SCN7A: variants seen among roughly 807,000 people sequenced by gnomAD.
The protein encoded by SCN7A is sodium channel protein type 7 subunit alpha.
A neutral mutation model predicts 155.2 loss-of-function variants in SCN7A; 138 were observed. The ratio of observed to expected loss-of-function variants is 0.89; its 90% confidence interval spans 0.77 to 1.02. SCN7A has a LOEUF of 1.02. Among genes scored for constraint, SCN7A ranks in the 50% least tolerant of loss-of-function variants. The pLI, the probability that SCN7A is intolerant of heterozygous loss-of-function variation, is 0.00. For missense variants in SCN7A, 2,058 were observed against 1,986.6 expected, an observed-to-expected ratio of 1.04 and a Z score of -0.68; for synonymous variants, 693 against 649.0, an observed-to-expected ratio of 1.07 and a Z score of -1.03.
intron 3 of SCN7A, among the ~76,000 whole-genome samples, chr2:166,475,106 A>G (rs983496055): frequency 9.7e-5 from 10 of 103,006 alleles, no homozygotes; most frequent in East Asian, 3.9e-4. Context: ...ATATATATGT[A>G]TATATATATA....
intron 7 of SCN7A, among the ~76,000 whole-genome samples, chr2:166,466,526 T>A (rs1007324716): frequency 6.6e-6 from 1 of 151,788 alleles, no homozygotes; most frequent in Non-Finnish European, 1.5e-5. Context: ...AAGCTGGCTT[T>A]ATTTAAGGAT....
chr2:166,480,846 A>G (rs778447975), intron 2 of SCN7A, among the ~76,000 whole-genome samples: 61 of 152,156 alleles, frequency 4.0e-4, no homozygotes, highest in Non-Finnish European at 7.8e-4. Flanking sequence ...TTTTCTTTTT[A>G]CGTGAACCAA....
intron 9 of SCN7A, among the ~76,000 whole-genome samples, chr2:166,464,916 C>T (rs539463002): frequency 6.6e-6 from 1 of 152,212 alleles, no homozygotes; most frequent in African/African-American, 2.4e-5. Flanking sequence ...AATTAGTCTG[C>T]CTATTGCTTT....
chr2:166,463,261 G>T (rs1378354271), intron 9 of SCN7A, among the ~76,000 whole-genome samples: 1 of 152,114 alleles, frequency 6.6e-6, no homozygotes, highest in African/African-American at 2.4e-5. Flanking sequence ...CCACTTGGGA[G>T]TTTCGGTCTT....
At chr2:166,437,729 T>C (rs561826696) in intron 15 of SCN7A, among the ~76,000 whole-genome samples, 2 of 152,268 alleles carry the variant, frequency 1.3e-5, no homozygotes, top group South Asian at 4.2e-4. Flanking sequence ...ATGTGAGGCA[T>C]AGAGTAAAAG....
At chr2:166,435,495 C>T (rs1343883500) in intron 15 of SCN7A, among the ~76,000 whole-genome samples, 1 of 151,810 alleles carries the variant, frequency 6.6e-6, no homozygotes, top group Non-Finnish European at 1.5e-5. Flanking sequence ...TTTTCTTGCC[C>T]CTCAAAGATA....
intron 15 of SCN7A, among the ~76,000 whole-genome samples, chr2:166,433,662 G>A (rs1019003658): frequency 6.6e-6 from 1 of 152,126 alleles, no homozygotes; most frequent in African/African-American, 2.4e-5. Context: ...TGTTTTTCCA[G>A]GCAGCTCACT....
At chr2:166,445,465 G>C (rs1167367801) in intron 12 of SCN7A, among the ~76,000 whole-genome samples, 1 of 152,168 alleles carries the variant, frequency 6.6e-6, no homozygotes, top group Non-Finnish European at 1.5e-5. Flanking sequence ...GCATGCAAAG[G>C]GAGATTTGAG....
intron 21 of SCN7A, among the ~76,000 whole-genome samples, chr2:166,414,261 TATACAC>T (rs1355733168): frequency 4.6e-5 from 3 of 65,436 alleles, no homozygotes; most frequent in African/African-American, 1.4e-4. Flanking sequence ...TATAGATATA[TATACAC>T]ACACATATAT....
rs199873735 is a variant in SCN7A at position 166,432,369 on chromosome 2, A to G, written c.2541T>C (p.Asn847=). The G allele has an allele frequency of 9.5e-4, 1,524 of 1,612,686 alleles. 1 individual carries two copies. The highest frequency in any genetic ancestry group is 1.1e-3 in the Non-Finnish European group (1,354 of 1,179,398). ...PIASGESDIE[N]LDNKEIQSKS... ...TACTCTGAATCTCCTTATTATCCAGATTTTCTATATCAGATTCTCCTGAAG... is the reference window on the plus strand; with the variant it reads ...TACTCTGAATCTCCTTATTATCCAGGTTTTCTATATCAGATTCTCCTGAAG... The change falls in exon 16 of 26, where the codon AAT becomes AAC. Residue 847 remains asparagine (N), a synonymous_variant. Coordinates refer to ENST00000643258, the MANE Select transcript of SCN7A (RefSeq NM_002976.4).
Position 166,477,647 on chromosome 2 carries a change from G to T in SCN7A, c.50C>A (p.Ser17Tyr). ...AATATGCTGTTTTATAAGTTCAAAA[G>T]ACTCTTTAGTGAAGGGAACAAGGCC... ...PKGLVPFTKE[S>Y]FELIKQHIAK... Residue 17 changes from serine (S) to tyrosine (Y), a missense_variant, in exon 3 of 26, where the codon TCT becomes TAT. By Grantham distance (144) the Ser-to-Tyr change is moderately radical. Coordinates refer to ENST00000643258, the MANE Select transcript of SCN7A (RefSeq NM_002976.4). 1 of 1,606,746 alleles carries T rather than the reference G, an allele frequency of 6.2e-7. No homozygotes were observed. Among genetic ancestry groups the T allele is most frequent in the Non-Finnish European group, 8.5e-7 (1 of 1,176,218 alleles).
chr2:166,435,109 A>AT (rs1201054184), intron 15 of SCN7A, among the ~76,000 whole-genome samples: 2 of 152,050 alleles, frequency 1.3e-5, no homozygotes, highest in Admixed American at 1.3e-4. Context: ...CTAAAAATGA[A>AT]CGTAATCTTA....
intron 21 of SCN7A, among the ~76,000 whole-genome samples, chr2:166,416,140 G>A (rs1701371537): frequency 1.3e-5 from 2 of 152,068 alleles, no homozygotes. Flanking sequence ...CTAGGATTGG[G>A]AAACTCCATC....
intron 10 of SCN7A, 132 bp from the exon 11 acceptor site, chr2:166,457,208 T>A: frequency 1.5e-6 from 1 of 664,768 alleles, no homozygotes; most frequent in South Asian, 2.2e-5. Context: ...ATCATAAGAC[T>A]GTTTAAGCAC....
intron 13 of SCN7A, among the ~76,000 whole-genome samples, chr2:166,444,517 G>T (rs975561119): frequency 6.6e-6 from 1 of 152,190 alleles, no homozygotes; most frequent in Non-Finnish European, 1.5e-5. Flanking sequence ...CAAGCATCTG[G>T]CTAGGAATCC....
intron 6 of SCN7A, among the ~76,000 whole-genome samples, chr2:166,471,897 A>G (rs1702665814): frequency 6.6e-6 from 1 of 151,974 alleles, no homozygotes; most frequent in Non-Finnish European, 1.5e-5. Context: ...CACACTTAAA[A>G]TGCACAAATT....
chr2:166,434,789 G>GGCT (rs763906370), intron 15 of SCN7A, among the ~76,000 whole-genome samples: 137 of 152,218 alleles, frequency 9.0e-4, no homozygotes, highest in Non-Finnish European at 1.8e-3. Flanking sequence ...AATAACAGAA[G>GGCT]GCTGTTAGTG....
chr2:166,414,926 T>TTATATAGGATAATATATAATATA (rs1701336017), intron 21 of SCN7A, among the ~76,000 whole-genome samples: 2 of 35,968 alleles, frequency 5.6e-5, no homozygotes, highest in East Asian at 8.2e-4. Context: ...ATAATATATA[T>TTATATAGGATAATATATAATATA]TATTATATAG....
rs1701018034 is a variant in SCN7A at position 166,404,250 on chromosome 2, G to GT, written c.*1329dup. ...TCTCAGAATCTCAAACTACATAGAAGTAAATGACTATATTTGTATGAATAA... is the reference window on the plus strand; with the variant it reads ...TCTCAGAATCTCAAACTACATAGAAGTTAAATGACTATATTTGTATGAATAA... On this transcript the variant is annotated 3_prime_UTR_variant, in exon 26 of 26. Transcript: ENST00000643258. 6.6e-6 allele frequency: 1 copy of GT among 151,846 alleles called. No individual in the cohort carries two copies. The highest frequency in any genetic ancestry group is 2.1e-4 in the South Asian group (1 of 4,830). 9.4% of individuals were successfully genotyped at this position (151,846 alleles called of 1,614,324 possible).
Sources: gnomAD v4.1 joint callset for allele counts (sites outside exome capture counted in the v4.1 genomes callset) on GRCh38, gnomAD v4.1.1 for gene constraint, MANE v1.5 for transcripts, NCBI Gene and HGNC (gene_info 2026-07-23, HGNC 2026-07-21) for gene names.